The following ATP2C1 variants were observed in gnomAD, a reference collection of about 807,000 sequenced individuals.
The protein encoded by ATP2C1 is ATPase secretory pathway Ca2+ transporting 1.
In ATP2C1, 31 loss-of-function variants were observed where a neutral mutation model predicts 120.5. That is an observed-to-expected ratio of 0.26 (90% CI 0.19 to 0.35). ATP2C1 has a LOEUF of 0.35. ATP2C1 is among the 10% of genes least tolerant of loss of function. The pLI is 1.00. For missense variants in ATP2C1, 731 were observed against 1,107.5 expected (o/e 0.66, Z 4.83); for synonymous variants, 351 against 358.7 (o/e 0.98, Z 0.24).
At chr3:130,978,508 G>C in intron 18 of ATP2C1, among the ~76,000 whole-genome samples, 1 of 152,070 alleles carries the variant, frequency 6.6e-6, no homozygotes, top group East Asian at 1.9e-4. Flanking sequence ...TGATATTTGG[G>C]AAATGAAAAG....
At chr3:130,876,716 T>C (rs2068616334) in intron 1 of ATP2C1, among the ~76,000 whole-genome samples, 1 of 152,176 alleles carries the variant, frequency 6.6e-6, no homozygotes. Flanking sequence ...TATGGTCATT[T>C]TAACAATACT....
intron 1 of ATP2C1, among the ~76,000 whole-genome samples, chr3:130,887,063 T>G (rs1243665166): frequency 1.3e-5 from 2 of 152,170 alleles, no homozygotes; most frequent in Non-Finnish European, 2.9e-5. Context: ...CCTAGTAAGG[T>G]TGTGGTTCTT....
intron 2 of ATP2C1, among the ~76,000 whole-genome samples, chr3:130,914,676 AT>A (rs2058601050): frequency 6.6e-6 from 1 of 152,152 alleles, no homozygotes; most frequent in African/African-American, 2.4e-5. Flanking sequence ...TAATAAAAGG[AT>A]TGGAAGTTGA....
chr3:130,965,010 A>G lies in ATP2C1; in HGVS notation c.1087A>G (p.Thr363Ala), dbSNP rs920182730. The G allele has an allele frequency of 3.1e-6, 5 of 1,611,784 alleles. No individual in the cohort carries two copies. In the African/African-American group the frequency reaches 6.7e-5, roughly 22 times the overall value. The change falls in exon 14 of 28, where the codon ACT (threonine) becomes GCT (alanine). Residue 363 changes from threonine (T) to alanine (A), a missense_variant. Physicochemically the swap from Thr to Ala is moderately conservative, Grantham distance 58 (BLOSUM62 0). Coordinates refer to ENST00000510168, the MANE Select transcript of ATP2C1 (RefSeq NM_001378687.1). ...GTLTKNEMTV[T>A]HIFTSDGLHA... The stretch of plus-strand genomic sequence containing the variant: ...ACTGACGAAGAATGAAATGACTGTT[A>G]CTCACATATTTACTTCAGATGGTCT...
At chr3:130,850,974 C>A in intron 1 of ATP2C1, 1 of 1,076,882 alleles carries the variant, frequency 9.3e-7, no homozygotes, top group Non-Finnish European at 1.2e-6. Context: ...GGTGCTTGTT[C>A]CTTGTTGCTT....
intron 17 of ATP2C1, among the ~76,000 whole-genome samples, chr3:130,974,259 A>T (rs1269379893): frequency 6.6e-6 from 1 of 152,246 alleles, no homozygotes; most frequent in Non-Finnish European, 1.5e-5. Flanking sequence ...TTGAGCTATC[A>T]ATCAGGATAG....
chr3:130,941,563 C>T lies in ATP2C1; in HGVS notation c.423-28C>T, dbSNP rs763966343. On this transcript the variant is annotated intron_variant, in intron 7 of 27. Transcript: ENST00000510168. The stretch of plus-strand genomic sequence containing the variant: ...AGTTGCATGAATTTTTTTTTTTTAA[C>T]CATGGTTGTTTCTATTTCGTGTTAC... The T allele has an allele frequency of 4.5e-6, 7 of 1,572,046 alleles. No individual in the cohort carries two copies. In the African/African-American group the frequency reaches 9.5e-5, roughly 21 times the overall value.
chr3:130,882,055 C>T (rs986551967), intron 1 of ATP2C1, among the ~76,000 whole-genome samples: 1 of 152,028 alleles, frequency 6.6e-6, no homozygotes, highest in East Asian at 1.9e-4. Context: ...TTTCTCTTGC[C>T]TAATTGCTCT....
In ATP2C1 at chr3:131,002,553, C is replaced by T. The variant is rs1315023548; in HGVS notation, c.*1203C>T. The T allele has an allele frequency of 1.0e-6, 1 of 985,240 alleles. No individual in the cohort carries two copies. Among genetic ancestry groups the T allele is most frequent in the Non-Finnish European group, 1.2e-6 (1 of 829,886 alleles). 61.0% of individuals were successfully genotyped at this position (985,240 alleles called of 1,614,324 possible). On this transcript the variant is annotated 3_prime_UTR_variant, in exon 28 of 28. Transcript: ENST00000510168. ...AGGTGGATTTTGTGTGTAATGCCAT[C>T]AGTTTTTATGAAAGCTTGATGAGGT...
chr3:130,979,135 G>A (rs1280156762), intron 18 of ATP2C1, 114 bp from the exon 19 acceptor site: 5 of 978,024 alleles, frequency 5.1e-6, no homozygotes, highest in Non-Finnish European at 6.4e-6. Flanking sequence ...TGACATTATA[G>A]TCTTAAGTGA....
intron 2 of ATP2C1, among the ~76,000 whole-genome samples, chr3:130,915,745 T>C (rs2058661083): frequency 6.6e-6 from 1 of 152,150 alleles, no homozygotes; most frequent in African/African-American, 2.4e-5. Flanking sequence ...GTATGGAGTG[T>C]GCAGGCTGGA....
rs78308508 is a variant in ATP2C1, at chr3:130,917,822, C to G, written c.7-12594C>G. Among the ~76,000 whole-genome samples the G allele has an allele frequency of 4.3e-3, 649 of 152,318 alleles. 3 individuals are homozygous for G. The highest frequency in any genetic ancestry group is 0.014 in the African/African-American group (587 of 41,574). ...ACTCTCCATTTCCCCTTCTCCCAGC[C>G]TCTGCTAACCATCATTCCACTCTTT... On this transcript the variant is annotated intron_variant, in intron 2 of 27. Transcript: ENST00000510168.
At position 130,896,907 on chromosome 3, in the gene ATP2C1, C is replaced by T. The variant is rs1184607324; in HGVS notation, c.6+2132C>T. 3.9e-5 allele frequency among the ~76,000 whole-genome samples: 6 copies of T among 152,256 alleles called. No homozygotes were observed. In the South Asian group the frequency reaches 6.2e-4, roughly 16 times the overall value. On this transcript the variant is annotated intron_variant, in intron 2 of 27. Transcript: ENST00000510168. ...TGCAGACTGATTTGAATGCTGGATT[C>T]GTCGCTTACCATTTGGCTTTGTGCA...
At chr3:131,007,281 T>G (rs1198060104), downstream of ATP2C1, among the ~76,000 whole-genome samples, 1 of 152,244 alleles carries the variant, frequency 6.6e-6, no homozygotes, top group African/African-American at 2.4e-5. Context: ...AGATGGTGTT[T>G]CATTTGCAGG....
At chr3:130,891,346 G>A (rs566687995), upstream of ATP2C1, among the ~76,000 whole-genome samples, 7 of 152,218 alleles carry the variant, frequency 4.6e-5, no homozygotes, top group Admixed American at 1.3e-4. Flanking sequence ...ACAAGATACC[G>A]CACACCCTTT....
chr3:130,979,553 T>C (rs1286811623), intron 19 of ATP2C1, 134 bp downstream of exon 19: 1 of 1,022,718 alleles, frequency 9.8e-7, no homozygotes, highest in Non-Finnish European at 1.4e-6. Flanking sequence ...CTCATGGTTT[T>C]GCTCATGGTC....
chr3:130,939,221 A>G (rs973586433), intron 6 of ATP2C1, among the ~76,000 whole-genome samples: 3 of 152,322 alleles, frequency 2.0e-5, no homozygotes, highest in Non-Finnish European at 4.4e-5. Flanking sequence ...CTCTTTATCA[A>G]AAATGTATAA....
intron 1 of ATP2C1, among the ~76,000 whole-genome samples, chr3:130,865,296 T>C (rs778627365): frequency 2.0e-5 from 3 of 152,230 alleles, no homozygotes; most frequent in Non-Finnish European, 2.9e-5. Context: ...CCAATACCTG[T>C]ACCTCCATTG....
At chr3:130,918,720 G>A (rs191049968) in intron 2 of ATP2C1, 87 of 432,508 alleles carry the variant, frequency 2.0e-4, no homozygotes, top group Admixed American at 2.1e-4. Context: ...GGCCGGGCGC[G>A]GTGGCTCACG....
Sources: gnomAD v4.1 joint callset for allele counts (sites outside exome capture counted in the v4.1 genomes callset) on GRCh38, gnomAD v4.1.1 for gene constraint, MANE v1.5 for transcripts, NCBI Gene and HGNC (gene_info 2026-07-23, HGNC 2026-07-21) for gene names.